Variants in FSTL4 observed in about 807,000 individuals in gnomAD.
FSTL4 encodes follistatin like 4.
FSTL4 carries 28 observed loss-of-function variants against 78.2 expected under a neutral mutation model. The observed-to-expected ratio is 0.36, with a 90% confidence interval of 0.27 to 0.49. The LOEUF is 0.49. Ranked by LOEUF, FSTL4 falls within the 20% of genes least tolerant of loss-of-function variation. FSTL4 has a pLI of 0.98. For synonymous variants in FSTL4, 422 were observed against 440.5 expected (o/e 0.96, Z 0.53); for missense variants, 922 against 1,084.9 (o/e 0.85, Z 2.11).
chr5:133,772,609 C>A, the FSTL4 span, among the ~76,000 whole-genome samples: 4 of 152,254 alleles, frequency 2.6e-5, no homozygotes, highest in African/African-American at 4.8e-5. Context: ...TAGAGAGAGC[C>A]TTTTTGCTGT....
intron 4 of FSTL4, among the ~76,000 whole-genome samples, chr5:133,341,982 C>T (rs1466702081): frequency 6.6e-6 from 1 of 152,162 alleles, no homozygotes; most frequent in African/African-American, 2.4e-5. Flanking sequence ...TCAGGGCTTC[C>T]TGTGTGATTT....
the FSTL4 span, among the ~76,000 whole-genome samples, chr5:133,618,282 C>CA: frequency 3.3e-5 from 5 of 152,108 alleles, no homozygotes; most frequent in African/African-American, 7.2e-5. Context: ...CGATTGACTG[C>CA]AGGTAACTAA....
At chr5:133,696,783 C>T in the FSTL4 span, among the ~76,000 whole-genome samples, 1 of 152,220 alleles carries the variant, frequency 6.6e-6, no homozygotes, top group Non-Finnish European at 1.5e-5. Flanking sequence ...CCCACAGCCT[C>T]TGTGTTAGGT....
At chr5:133,830,563 T>C in the FSTL4 span, among the ~76,000 whole-genome samples, 1 of 152,170 alleles carries the variant, frequency 6.6e-6, no homozygotes, top group Non-Finnish European at 1.5e-5. Context: ...CAGCAAGCCT[T>C]CTATGTGATT....
intron 6 of FSTL4, among the ~76,000 whole-genome samples, chr5:133,271,711 C>A (rs985766496): frequency 6.6e-6 from 1 of 152,136 alleles, no homozygotes; most frequent in African/African-American, 2.4e-5. Flanking sequence ...TAAGTCGTAA[C>A]CTGAATTTTT....
intron 3 of FSTL4, among the ~76,000 whole-genome samples, chr5:133,509,664 G>C (rs1444776036): frequency 6.6e-6 from 1 of 152,222 alleles, no homozygotes; most frequent in African/African-American, 2.4e-5. Context: ...CATAACAACA[G>C]AGTCCTTCAG....
chr5:133,693,467 G>C, the FSTL4 span, among the ~76,000 whole-genome samples: 1 of 152,138 alleles, frequency 6.6e-6, no homozygotes, highest in African/African-American at 2.4e-5. Context: ...CCCACCCAGA[G>C]GGAAGGAGCG....
intron 4 of FSTL4, among the ~76,000 whole-genome samples, chr5:133,328,693 C>T (rs1236660515): frequency 6.6e-6 from 1 of 152,214 alleles, no homozygotes; most frequent in African/African-American, 2.4e-5. Context: ...CAGCTCAGCC[C>T]TCCTCCCACT....
At chr5:133,719,790 C>A in the FSTL4 span, among the ~76,000 whole-genome samples, 1 of 151,556 alleles carries the variant, frequency 6.6e-6, no homozygotes, top group Non-Finnish European at 1.5e-5. Context: ...AAGTAGTATG[C>A]CAATTTTCAG....
the FSTL4 span, among the ~76,000 whole-genome samples, chr5:133,696,187 A>T: frequency 6.6e-6 from 1 of 152,218 alleles, no homozygotes; most frequent in Non-Finnish European, 1.5e-5. Context: ...TCTGAAGCCT[A>T]CGCTCCTGAC....
intron 14 of FSTL4, 57 bp downstream of exon 14, chr5:133,210,134 G>GGA: frequency 1.1e-6 from 1 of 883,138 alleles, no homozygotes; most frequent in Non-Finnish European, 1.9e-6. Context: ...TATTTTATAG[G>GGA]GAGAGAGTTC....
At chr5:133,474,108 ATTTTC>A (rs1757880255) in intron 3 of FSTL4, among the ~76,000 whole-genome samples, 2 of 152,112 alleles carry the variant, frequency 1.3e-5, no homozygotes, top group Admixed American at 6.5e-5. Flanking sequence ...CGCCTGCTGT[ATTTTC>A]TTTCCACCTT....
At chr5:133,823,050 C>G in the FSTL4 span, among the ~76,000 whole-genome samples, 3 of 152,144 alleles carry the variant, frequency 2.0e-5, no homozygotes, top group Non-Finnish European at 4.4e-5. Flanking sequence ...ACAAAGTAAA[C>G]AGGTAAAGCA....
chr5:133,610,322 AG>A (rs1480157832), intron 1 of FSTL4, among the ~76,000 whole-genome samples: 1 of 152,222 alleles, frequency 6.6e-6, no homozygotes, highest in Non-Finnish European at 1.5e-5. Flanking sequence ...TGATCATAAA[AG>A]TCTAAGAGAG....
chr5:133,739,586 C>T, the FSTL4 span, among the ~76,000 whole-genome samples: 1 of 152,142 alleles, frequency 6.6e-6, no homozygotes, highest in Non-Finnish European at 1.5e-5. Flanking sequence ...CCAGCCATCC[C>T]ACAGCGTAAC....
the FSTL4 span, among the ~76,000 whole-genome samples, chr5:133,819,174 G>C: frequency 6.6e-6 from 1 of 151,432 alleles, no homozygotes; most frequent in Non-Finnish European, 1.5e-5. Flanking sequence ...ACAAGGTTCA[G>C]CTAAAATAAG....
At chr5:133,828,954 C>A in the FSTL4 span, among the ~76,000 whole-genome samples, 3 of 152,252 alleles carry the variant, frequency 2.0e-5, no homozygotes, top group East Asian at 1.9e-4. Flanking sequence ...CACATAACAG[C>A]GGGCAGGCAG....
intron 8 of FSTL4, among the ~76,000 whole-genome samples, chr5:133,227,842 AAAAG>A (rs2126797388): frequency 6.6e-6 from 1 of 152,374 alleles, no homozygotes; most frequent in South Asian, 2.1e-4. Context: ...AAAAAATAGA[AAAAG>A]AACACAGAAG....
chr5:133,390,912 G>T (rs959784043), intron 4 of FSTL4, among the ~76,000 whole-genome samples: 4 of 152,202 alleles, frequency 2.6e-5, no homozygotes, highest in South Asian at 2.1e-4. Context: ...CACAAGGGCT[G>T]GGGCGAGGGA....
Sources: gnomAD v4.1 joint callset for allele counts (sites outside exome capture counted in the v4.1 genomes callset) on GRCh38, gnomAD v4.1.1 for gene constraint, MANE v1.5 for transcripts, NCBI Gene and HGNC (gene_info 2026-07-23, HGNC 2026-07-21) for gene names.